DDAH1: variants seen among roughly 807,000 people sequenced by gnomAD.
DDAH1 encodes N(G),N(G)-dimethylarginine dimethylaminohydrolase 1.
DDAH1 carries 19 observed loss-of-function variants against 28.8 expected under a neutral mutation model. The ratio of observed to expected loss-of-function variants is 0.66; its 90% CI spans 0.46 to 0.97. DDAH1 has a LOEUF of 0.97. Among genes scored for constraint, DDAH1 ranks in the 50% least tolerant of loss-of-function variants. The pLI is 0.00. For missense variants in DDAH1, 326 were observed against 375.9 expected, an observed-to-expected ratio of 0.87 and a Z score of 1.10; for synonymous variants, 153 against 154.4, an observed-to-expected ratio of 0.99 and a Z score of 0.07.
chr1:85,351,467 T>C (rs1649196164), intron 3 of DDAH1, 39 bp downstream of exon 3: 1 of 1,480,284 alleles, frequency 6.8e-7, no homozygotes. Flanking sequence ...ATTTATTAAG[T>C]AATTGCTTTG....
At chr1:85,549,510 C>A (rs1327606989) in intron 1 of DDAH1, among the ~76,000 whole-genome samples, 1 of 152,186 alleles carries the variant, frequency 6.6e-6, no homozygotes, top group Non-Finnish European at 1.5e-5. Flanking sequence ...TAGATGTAGA[C>A]CATGAAGTGG....
rs548050506 is a variant in DDAH1 at position 85,410,625 on chromosome 1, G to A, written c.304-51778C>T. Among the ~76,000 whole-genome samples the A allele has an allele frequency of 4.1e-5, 5 of 121,544 alleles. No individual in the cohort carries two copies. The South Asian group carries it at 1.1e-3, about 26-fold the overall frequency. 79.7% of individuals were successfully genotyped at this position (121,544 alleles called of 152,430 possible). On this transcript the variant is annotated intron_variant, in intron 1 of 5. Coordinates refer to ENST00000284031, the MANE Select transcript of DDAH1 (RefSeq NM_012137.4). ...TTGCACTCCAGCCTGCAATAAGAGC[G>A]AAGCTCTGCCTCAAAAAAAAAAAAA...
intron 1 of DDAH1, among the ~76,000 whole-genome samples, chr1:85,431,280 T>C (rs1653675979): frequency 6.6e-6 from 1 of 152,212 alleles, no homozygotes; most frequent in Non-Finnish European, 1.5e-5. Flanking sequence ...GATGTACTGC[T>C]GGATTCGGTT....
At chr1:85,452,589 A>C (rs937425376) in intron 1 of DDAH1, among the ~76,000 whole-genome samples, 1 of 152,202 alleles carries the variant, frequency 6.6e-6, no homozygotes, top group Non-Finnish European at 1.5e-5. Context: ...TCCACTTACG[A>C]GTTGAACTTA....
rs141783204 is a variant in DDAH1 at position 85,397,690 on chromosome 1, T to C, written c.304-38843A>G. Among the ~76,000 whole-genome samples the C allele has an allele frequency of 4.8e-3, 726 of 152,346 alleles. 2 individuals are homozygous for C. The highest frequency in any genetic ancestry group is 0.017 in the African/African-American group (696 of 41,580). The stretch of plus-strand genomic sequence containing the variant: ...TATTACACAATACAATTGGAAACAC[T>C]GGTTTAATTGCCAAGGCTTTGACTG... On this transcript the variant is annotated intron_variant, in intron 1 of 5. Transcript: ENST00000284031.
chr1:85,376,289 T>C (rs1650660897), intron 1 of DDAH1, among the ~76,000 whole-genome samples: 1 of 152,194 alleles, frequency 6.6e-6, no homozygotes. Flanking sequence ...CGTATGGAAT[T>C]AGGCATTTAA....
intron 1 of DDAH1, among the ~76,000 whole-genome samples, chr1:85,440,116 AT>A (rs1366993144): frequency 4.6e-5 from 7 of 152,246 alleles, no homozygotes; most frequent in African/African-American, 9.6e-5. Context: ...GCTTATTAAG[AT>A]TTTTTTCTAT....
intron 1 of DDAH1, among the ~76,000 whole-genome samples, chr1:85,402,075 T>A (rs2100578647): frequency 6.6e-6 from 1 of 151,976 alleles, no homozygotes; most frequent in African/African-American, 2.4e-5. Flanking sequence ...AGCCTCAAAC[T>A]CTTGGGCTCA....
intron 1 of DDAH1, among the ~76,000 whole-genome samples, chr1:85,501,320 C>T (rs1656811218): frequency 6.6e-6 from 1 of 152,132 alleles, no homozygotes. Flanking sequence ...TTTCTTGGTT[C>T]TTCACTGAAA....
intron 1 of DDAH1, among the ~76,000 whole-genome samples, chr1:85,531,842 G>T (rs1294997582): frequency 6.8e-6 from 1 of 146,930 alleles, no homozygotes; most frequent in Non-Finnish European, 1.5e-5. Flanking sequence ...GGGAAACAGA[G>T]GCTGAAGAAG....
chr1:85,457,178 G>A (rs1313671592), intron 1 of DDAH1, among the ~76,000 whole-genome samples: 1 of 152,180 alleles, frequency 6.6e-6, no homozygotes, highest in Non-Finnish European at 1.5e-5. Context: ...GGGCACGGGT[G>A]AGTTTTTCTC....
At chr1:85,392,790 TAAAAAAAA>T (rs11314404) in intron 1 of DDAH1, among the ~76,000 whole-genome samples, 16 of 109,450 alleles carry the variant, frequency 1.5e-4, no homozygotes, top group Admixed American at 1.3e-3. Context: ...AGACTCTGTC[TAAAAAAAA>T]AAAAAAAAAA....
At chr1:85,419,788 C>T (rs1415772478) in intron 1 of DDAH1, among the ~76,000 whole-genome samples, 1 of 152,152 alleles carries the variant, frequency 6.6e-6, no homozygotes, top group African/African-American at 2.4e-5. Context: ...TTTGAATCCT[C>T]ATGCCTCCCT....
intron 1 of DDAH1, among the ~76,000 whole-genome samples, chr1:85,460,971 C>G (rs1655098439): frequency 6.6e-6 from 1 of 152,040 alleles, no homozygotes; most frequent in Admixed American, 6.6e-5. Flanking sequence ...GACTTTTGGC[C>G]AGGCACAGTG....
At chr1:85,477,187 A>G (rs1274796748) in intron 2 of DDAH1, among the ~76,000 whole-genome samples, 2 of 152,144 alleles carry the variant, frequency 1.3e-5, no homozygotes, top group African/African-American at 4.8e-5. Flanking sequence ...GTGGGAGGGA[A>G]TTTAGCATGT....
chr1:85,348,645 T>C (rs1357659127), intron 4 of DDAH1, among the ~76,000 whole-genome samples: 1 of 152,202 alleles, frequency 6.6e-6, no homozygotes, highest in African/African-American at 2.4e-5. Context: ...AAGACTCACA[T>C]CTAGTCTCAT....
Position 85,427,288 on chromosome 1 carries a change from A to T in DDAH1, c.303+37455T>A, listed in dbSNP as rs951725942. Among the ~76,000 whole-genome samples the T allele has an allele frequency of 1.3e-4, 17 of 130,058 alleles. No individual in the cohort carries two copies. In the East Asian group the frequency reaches 2.5e-3, roughly 19 times the overall value. 85.3% of individuals were successfully genotyped at this position (130,058 alleles called of 152,430 possible). On this transcript the variant is annotated intron_variant, in intron 1 of 5. Transcript: ENST00000284031. ...AAGTGAGCTAAAAAAAAAAAAAAAA[A>T]AAGTGGGAGACAATGGAAAACAAAC...
chr1:85,500,153 TTCTTTCTTTC>T (rs755559282), intron 1 of DDAH1, among the ~76,000 whole-genome samples: 44,765 of 138,068 alleles, frequency 0.32, 8,157 homozygotes, highest in South Asian at 0.43. Flanking sequence ...TTTCTTTTCT[TTCTTTCTTTC>T]TCTTTTTTCC....
chr1:85,364,415 T>G (rs1322243545), intron 1 of DDAH1, among the ~76,000 whole-genome samples: 3 of 152,170 alleles, frequency 2.0e-5, no homozygotes, highest in Non-Finnish European at 4.4e-5. Context: ...CTAAGTAATA[T>G]GAACAGAATA....
Sources: allele counts gnomAD v4.1 joint callset (sites outside exome capture counted in the v4.1 genomes callset), GRCh38; gene constraint gnomAD v4.1.1; transcripts MANE v1.5; gene names NCBI Gene and HGNC (gene_info 2026-07-23, HGNC 2026-07-21).